The following PCDH11X variants were observed in gnomAD, a reference collection of about 807,000 sequenced individuals.
PCDH11X encodes the protein protocadherin 11 X-linked.
In PCDH11X, 18 loss-of-function variants were observed where a neutral mutation model predicts 53.3. The ratio of observed to expected loss-of-function variants is 0.34; its 90% CI spans 0.23 to 0.50. PCDH11X has a LOEUF of 0.50. PCDH11X is among the 20% of genes least tolerant of loss of function. The pLI is 0.98. For missense variants in PCDH11X, 570 were observed against 1,032.4 expected, an observed-to-expected ratio of 0.55 and a Z score of 6.14; for synonymous variants, 279 against 393.3, an observed-to-expected ratio of 0.71 and a Z score of 3.44.
At chrX:92,515,770 G>A (rs1414180679) in intron 10 of PCDH11X, among the ~76,000 whole-genome samples, 5 of 110,460 alleles carry the variant, frequency 4.5e-5, no homozygotes, top group South Asian at 3.8e-4. Flanking sequence ...TGAAAGCAAT[G>A]ACAATTTTTT....
chrX:92,285,134 G>A (rs2068336007), intron 8 of PCDH11X, among the ~76,000 whole-genome samples: 1 of 108,415 alleles, frequency 9.2e-6, no homozygotes, highest in East Asian at 2.9e-4. Context: ...GTTTATTATT[G>A]TTATTATTGT....
At chrX:91,882,812 G>A in intron 6 of PCDH11X, 2 of 1,110,304 alleles carry the variant, frequency 1.8e-6, no homozygotes, top group Non-Finnish European at 2.4e-6. Flanking sequence ...TTATATTTTG[G>A]TAATGCAAAT....
rs1411436740 is a variant in PCDH11X, at chrX:91,985,079, A to T, written c.3033+105806A>T. On this transcript the variant is annotated intron_variant, in intron 6 of 10. Transcript: ENST00000682573. The stretch of plus-strand genomic sequence containing the variant: ...TAAGGATTGCTTTCCTTTTCTTATG[A>T]TCTAAGTAATACACATAAAGCAGTG... Among the ~76,000 whole-genome samples, 5 of 111,766 alleles carry T rather than the reference A, an allele frequency of 4.5e-5. No homozygotes were observed. In the South Asian group the frequency reaches 1.9e-3, roughly 42 times the overall value.
intron 6 of PCDH11X, among the ~76,000 whole-genome samples, chrX:91,892,612 T>G (rs1170335851): frequency 9.0e-6 from 1 of 111,149 alleles, no homozygotes; most frequent in Non-Finnish European, 1.9e-5. Context: ...GAGGACTTTT[T>G]TTTTTGTTAA....
chrX:92,542,727 TA>T (rs1168917575), intron 10 of PCDH11X, among the ~76,000 whole-genome samples: 1 of 111,404 alleles, frequency 9.0e-6, no homozygotes, highest in Admixed American at 9.6e-5. Flanking sequence ...TTTTTACCTT[TA>T]AAAAAGATTG....
At chrX:92,315,729 TC>T (rs1184476463) in intron 8 of PCDH11X, among the ~76,000 whole-genome samples, 2 of 106,618 alleles carry the variant, frequency 1.9e-5, no homozygotes, top group Non-Finnish European at 3.9e-5. Flanking sequence ...AGAGATGGGG[TC>T]CCACCATGTT....
intron 6 of PCDH11X, among the ~76,000 whole-genome samples, chrX:92,008,231 G>A (rs1356623632): frequency 9.0e-6 from 1 of 110,632 alleles, no homozygotes; most frequent in Non-Finnish European, 1.9e-5. Context: ...CATACACGTT[G>A]CAATTCTTAT....
At chrX:91,948,131 T>C (rs1160495447) in intron 6 of PCDH11X, among the ~76,000 whole-genome samples, 3 of 105,331 alleles carry the variant, frequency 2.8e-5, no homozygotes, top group African/African-American at 1.0e-4. Flanking sequence ...TAACTTCCAA[T>C]ACTATGCTTT....
chrX:92,368,806 C>A (rs1463050422), intron 8 of PCDH11X, among the ~76,000 whole-genome samples: 2 of 109,245 alleles, frequency 1.8e-5, no homozygotes, highest in African/African-American at 6.7e-5. Flanking sequence ...AGACCCTGTT[C>A]GCCTGGGTAT....
chrX:92,559,609 G>A (rs62598733), intron 10 of PCDH11X, among the ~76,000 whole-genome samples: 22,147 of 110,785 alleles, frequency 0.2, 2,201 homozygotes, highest in Non-Finnish European at 0.3. Flanking sequence ...TAATAGCAGA[G>A]GTCTTGTGGT....
chrX:92,595,340 G>T (rs1417172626), intron 10 of PCDH11X, among the ~76,000 whole-genome samples: 1 of 110,665 alleles, frequency 9.0e-6, no homozygotes, highest in Non-Finnish European at 1.9e-5. Flanking sequence ...TGTAAGCATA[G>T]ATAAATCTGT....
chrX:91,970,397 G>A (rs112544172), intron 6 of PCDH11X, among the ~76,000 whole-genome samples: 2,972 of 111,027 alleles, frequency 0.027, 92 homozygotes, highest in African/African-American at 0.091. Context: ...TTTTGACAGC[G>A]TGCTGATTGG....
intron 7 of PCDH11X, among the ~76,000 whole-genome samples, chrX:92,221,504 T>C (rs2066879684): frequency 9.0e-6 from 1 of 110,650 alleles, no homozygotes; most frequent in South Asian, 3.8e-4. Context: ...GCAGGAGTTA[T>C]TGTTAAGGAA....
intron 7 of PCDH11X, among the ~76,000 whole-genome samples, chrX:92,225,173 C>A (rs2066947420): frequency 9.0e-6 from 1 of 110,968 alleles, no homozygotes; most frequent in African/African-American, 3.3e-5. Flanking sequence ...TCTTCTAAGG[C>A]AATATAATTT....
At chrX:92,563,430 G>T (rs1320117122) in intron 10 of PCDH11X, among the ~76,000 whole-genome samples, 1 of 108,671 alleles carries the variant, frequency 9.2e-6, no homozygotes, top group East Asian at 2.9e-4. Flanking sequence ...CAATATATGA[G>T]ATTACATTTC....
At chrX:92,320,564 A>G (rs866518389) in intron 8 of PCDH11X, among the ~76,000 whole-genome samples, 1 of 110,831 alleles carries the variant, frequency 9.0e-6, no homozygotes. Flanking sequence ...CTAAAAAGTT[A>G]TTATGATTCA....
chrX:92,098,257 G>A (rs1294248356), intron 6 of PCDH11X, among the ~76,000 whole-genome samples: 2 of 110,887 alleles, frequency 1.8e-5, no homozygotes, highest in African/African-American at 6.6e-5. Context: ...AGGTTGTGTG[G>A]TCAGAAATTG....
intron 6 of PCDH11X, among the ~76,000 whole-genome samples, chrX:91,981,021 A>AAT (rs1170462143): frequency 0.016 from 1,500 of 96,116 alleles, 33 homozygotes; most frequent in African/African-American, 0.052. Flanking sequence ...ATATACACTG[A>AAT]ATATATATAT....
At chrX:91,857,360 C>A (rs1373123449) in intron 5 of PCDH11X, among the ~76,000 whole-genome samples, 1 of 111,321 alleles carries the variant, frequency 9.0e-6, no homozygotes, top group East Asian at 2.8e-4. Context: ...GGGGACACAG[C>A]GAAACCATAT....
Sources: allele counts gnomAD v4.1 joint callset (sites outside exome capture counted in the v4.1 genomes callset), GRCh38; gene constraint gnomAD v4.1.1; transcripts MANE v1.5; gene names NCBI Gene and HGNC (gene_info 2026-07-23, HGNC 2026-07-21).